The following HS3ST4 variants were observed in gnomAD, a reference collection of about 807,000 sequenced individuals.
HS3ST4 encodes heparan sulfate glucosamine 3-O-sulfotransferase 4.
Under a neutral mutation model 29.2 loss-of-function variants are expected in HS3ST4, and 17 were observed. That is an observed-to-expected ratio of 0.58 (90% CI 0.40 to 0.87). The LOEUF is 0.87. Ranked by LOEUF, HS3ST4 falls within the 40% of genes least tolerant of loss-of-function variation. The pLI, the probability that HS3ST4 is intolerant of heterozygous loss-of-function variation, is 0.00. For missense variants in HS3ST4, 627 were observed against 634.5 expected, an observed-to-expected ratio of 0.99 and a Z score of 0.13; for synonymous variants, 314 against 285.7, an observed-to-expected ratio of 1.10 and a Z score of -1.00.
At chr16:25,856,460 T>C (rs1246959396) in intron 1 of HS3ST4, among the ~76,000 whole-genome samples, 1 of 152,082 alleles carries the variant, frequency 6.6e-6, no homozygotes, top group Non-Finnish European at 1.5e-5. Context: ...CCCTAAATGA[T>C]AGTGGGGTTT....
chr16:25,915,426 C>T (rs977737754), intron 1 of HS3ST4, among the ~76,000 whole-genome samples: 9 of 152,100 alleles, frequency 5.9e-5, no homozygotes, highest in Non-Finnish European at 1.3e-4. Context: ...GGCCCTTTTC[C>T]TCTTCTTGAC....
chr16:25,697,097 G>A (rs997218746), intron 1 of HS3ST4, among the ~76,000 whole-genome samples: 1 of 152,128 alleles, frequency 6.6e-6, no homozygotes, highest in African/African-American at 2.4e-5. Flanking sequence ...TATACCCTGT[G>A]TTCATTCATT....
At chr16:26,022,829 C>G (rs1969427652) in intron 1 of HS3ST4, among the ~76,000 whole-genome samples, 1 of 152,092 alleles carries the variant, frequency 6.6e-6, no homozygotes, top group South Asian at 2.1e-4. Flanking sequence ...TGTGAAAACA[C>G]TGTTTTAACA....
At chr16:25,879,159 A>G (rs1223402714) in intron 1 of HS3ST4, among the ~76,000 whole-genome samples, 1 of 152,132 alleles carries the variant, frequency 6.6e-6, no homozygotes, top group Non-Finnish European at 1.5e-5. Flanking sequence ...TATAAATCTG[A>G]TATACGTTTG....
chr16:25,714,952 G>A (rs1199439579), intron 1 of HS3ST4, among the ~76,000 whole-genome samples: 1 of 152,232 alleles, frequency 6.6e-6, no homozygotes, highest in Non-Finnish European at 1.5e-5. Context: ...TAAGTGGTCA[G>A]AAGACAATCT....
intron 1 of HS3ST4, among the ~76,000 whole-genome samples, chr16:26,083,775 C>T (rs758220229): frequency 2.6e-5 from 4 of 151,984 alleles, no homozygotes; most frequent in South Asian, 2.1e-4. Context: ...AGGCAGTTAT[C>T]TCACATGTGC....
chr16:26,070,987 A>G (rs1017937970), intron 1 of HS3ST4, among the ~76,000 whole-genome samples: 3 of 152,236 alleles, frequency 2.0e-5, no homozygotes, highest in East Asian at 3.9e-4. Context: ...CTCCTTCCAG[A>G]AACCTCAGAC....
chr16:25,908,087 GGAGA>G (rs886616642), intron 1 of HS3ST4, among the ~76,000 whole-genome samples: 3 of 152,214 alleles, frequency 2.0e-5, no homozygotes, highest in African/African-American at 7.2e-5. Flanking sequence ...TCATAGGTGT[GGAGA>G]GAGAGGTGAG....
chr16:25,947,414 A>G (rs1206104565), intron 1 of HS3ST4, among the ~76,000 whole-genome samples: 4 of 152,180 alleles, frequency 2.6e-5, no homozygotes, highest in Non-Finnish European at 5.9e-5. Context: ...ATGGCCCACA[A>G]CAAGCATTCA....
chr16:25,801,681 C>G (rs1456409020), intron 1 of HS3ST4, among the ~76,000 whole-genome samples: 1 of 152,156 alleles, frequency 6.6e-6, no homozygotes. Context: ...ATTTTAAATG[C>G]TTACTCGCCC....
In HS3ST4 at chr16:25,828,240, TTCTCTTTC is replaced by T. The variant is rs1202087801; in HGVS notation, c.734+135091_734+135098del. ...TTCTTTCCTTTCTTTCTTTCTTTCT[TTCTCTTTC>T]TTTCTTTCTTTCTTTCTTTCTTTCT... On this transcript the variant is annotated intron_variant, in intron 1 of 1. Coordinates refer to ENST00000331351, the MANE Select transcript of HS3ST4 (RefSeq NM_006040.3). Among the ~76,000 whole-genome samples, 327 of 59,704 alleles carry T rather than the reference TTCTCTTTC, an allele frequency of 5.5e-3. 21 individuals carry two copies. Among genetic ancestry groups the T allele is most frequent in the Non-Finnish European group, 5.8e-3 (173 of 29,842 alleles). The allele number at this position is 59,704 out of a possible 152,430, so 39.2% of individuals were successfully genotyped here. A position where few individuals can be genotyped will look rare whatever the true frequency, so the allele number is the denominator to read the frequency against.
intron 1 of HS3ST4, among the ~76,000 whole-genome samples, chr16:26,055,301 G>A (rs943333410): frequency 3.3e-5 from 5 of 152,104 alleles, no homozygotes; most frequent in Non-Finnish European, 7.4e-5. Context: ...GCCTTTGTGA[G>A]GTTCAGTTTT....
intron 1 of HS3ST4, among the ~76,000 whole-genome samples, chr16:25,973,571 G>A (rs1432418233): frequency 6.6e-6 from 1 of 152,150 alleles, no homozygotes; most frequent in African/African-American, 2.4e-5. Context: ...AGAACTCGGA[G>A]CTAATGTTAA....
intron 1 of HS3ST4, among the ~76,000 whole-genome samples, chr16:25,896,984 C>G (rs564606145): frequency 6.6e-6 from 1 of 152,192 alleles, no homozygotes; most frequent in Admixed American, 6.5e-5. Flanking sequence ...ACAGTAGACA[C>G]TGAGGAATAC....
chr16:26,043,852 A>G (rs1455364079), intron 1 of HS3ST4, among the ~76,000 whole-genome samples: 2 of 152,158 alleles, frequency 1.3e-5, no homozygotes, highest in African/African-American at 4.8e-5. Context: ...CCTCCCAAGT[A>G]ACTTTCAAAT....
At chr16:25,721,838 T>G (rs1452270858) in intron 1 of HS3ST4, among the ~76,000 whole-genome samples, 1 of 152,234 alleles carries the variant, frequency 6.6e-6, no homozygotes, top group Non-Finnish European at 1.5e-5. Flanking sequence ...TCTGGCAACC[T>G]CTGTTCCTGA....
At chr16:26,012,370 G>GGTT (rs1969318754) in intron 1 of HS3ST4, among the ~76,000 whole-genome samples, 1 of 152,194 alleles carries the variant, frequency 6.6e-6, no homozygotes, top group Admixed American at 6.5e-5. Flanking sequence ...AAAGAGGAAA[G>GGTT]GTCAAGAGAG....
At chr16:26,054,299 A>AGAGAGAGAGAGAGAGAG (rs397962355) in intron 1 of HS3ST4, among the ~76,000 whole-genome samples, 112 of 141,732 alleles carry the variant, frequency 7.9e-4, no homozygotes, top group South Asian at 2.9e-3. Flanking sequence ...AGAGAGAGAG[A>AGAGAGAGAGAGAGAGAG]AGGAGGAGGA....
At chr16:25,995,587 A>G (rs1344259542) in intron 1 of HS3ST4, among the ~76,000 whole-genome samples, 1 of 152,154 alleles carries the variant, frequency 6.6e-6, no homozygotes, top group Non-Finnish European at 1.5e-5. Context: ...TGAAACAGTG[A>G]TTGGTTGTGT....
Sources: gnomAD v4.1 joint callset for allele counts (sites outside exome capture counted in the v4.1 genomes callset) on GRCh38, gnomAD v4.1.1 for gene constraint, MANE v1.5 for transcripts, NCBI Gene and HGNC (gene_info 2026-07-23, HGNC 2026-07-21) for gene names.